PRTG: variants seen among roughly 807,000 people sequenced by gnomAD.
PRTG encodes protogenin, also known as immunoglobulin superfamily, DCC subclass, member 5.
In PRTG, 67 loss-of-function variants were observed where a neutral mutation model predicts 122.5. The ratio of observed to expected loss-of-function variants is 0.55; its 90% confidence interval spans 0.45 to 0.67. PRTG has a LOEUF of 0.67. Ranked by LOEUF, PRTG falls within the 30% of genes least tolerant of loss-of-function variation. The probability of loss-of-function intolerance (pLI) is 0.00; values close to 1 mark genes in which losing one functional copy is unlikely to be tolerated. For synonymous variants in PRTG, 554 were observed against 501.1 expected (o/e 1.11, Z -1.41); for missense variants, 1,435 against 1,415.4 (o/e 1.01, Z -0.22).
chr15:55,717,784 A>G (rs1447606003), intron 2 of PRTG, among the ~76,000 whole-genome samples: 1 of 152,230 alleles, frequency 6.6e-6, no homozygotes, highest in Non-Finnish European at 1.5e-5. Context: ...GTTAACTTTA[A>G]ATTTTTCTTT....
chr15:55,638,435 T>C, intron 14 of PRTG, 114 bp downstream of exon 14: 1 of 663,472 alleles, frequency 1.5e-6, no homozygotes, highest in Admixed American at 3.7e-5. Flanking sequence ...AATACATATA[T>C]CAAGTGGTAG....
intron 15 of PRTG, among the ~76,000 whole-genome samples, chr15:55,634,673 C>T (rs1262457819): frequency 6.6e-6 from 1 of 151,712 alleles, no homozygotes; most frequent in Non-Finnish European, 1.5e-5. Context: ...AAACACCCGT[C>T]TCTACTAAAA....
At chr15:55,644,451 ATTC>A (rs1440247922) in intron 11 of PRTG, among the ~76,000 whole-genome samples, 1 of 152,206 alleles carries the variant, frequency 6.6e-6, no homozygotes, top group Non-Finnish European at 1.5e-5. Flanking sequence ...CCTAAAATTG[ATTC>A]TTCAAGTTTT....
At chr15:55,623,917 T>A (rs2141711804) in intron 18 of PRTG, among the ~76,000 whole-genome samples, 1 of 152,260 alleles carries the variant, frequency 6.6e-6, no homozygotes, top group South Asian at 2.1e-4. Context: ...TGGGATGTTC[T>A]GATAAGCAAT....
Position 55,708,522 on chromosome 15 carries a change from C to A in PRTG, c.398-24591G>T, listed in dbSNP as rs1368528056. ...GCTCAGGAGGCTGAGGCAGGAGAAT[C>A]GCTTGAACCCGGGAGGCAGAGTCTG... On this transcript the variant is annotated intron_variant, in intron 2 of 19. Transcript: ENST00000389286. 2.0e-5 allele frequency among the ~76,000 whole-genome samples: 3 copies of A among 151,934 alleles called. No homozygotes were observed. The East Asian group carries it at 5.8e-4, about 29-fold the overall frequency.
chr15:55,627,292 G>T (rs2059200215), intron 16 of PRTG, among the ~76,000 whole-genome samples, 164 bp from the exon 17 acceptor site: 1 of 150,722 alleles, frequency 6.6e-6, no homozygotes, highest in African/African-American at 2.4e-5. Flanking sequence ...TTTAATCAGT[G>T]ATTTCAGAGA....
chr15:55,709,737 A>G (rs1225372431), intron 2 of PRTG, among the ~76,000 whole-genome samples: 1 of 152,202 alleles, frequency 6.6e-6, no homozygotes, highest in African/African-American at 2.4e-5. Context: ...ATCTCAAAAC[A>G]TTTATGCTGA....
At chr15:55,625,850 C>T (rs1413274337) in intron 17 of PRTG, among the ~76,000 whole-genome samples, 2 of 151,796 alleles carry the variant, frequency 1.3e-5, no homozygotes, top group Non-Finnish European at 2.9e-5. Flanking sequence ...CTTGAACTCC[C>T]GACCTCAGGT....
intron 11 of PRTG, among the ~76,000 whole-genome samples, chr15:55,645,326 C>T (rs906013935): frequency 2.1e-5 from 3 of 144,986 alleles, no homozygotes; most frequent in East Asian, 2.0e-4. Flanking sequence ...CCCAGCTACA[C>T]GGGAGGCTGA....
Position 55,624,507 on chromosome 15 carries a change from C to T in PRTG, c.2928G>A (p.Arg976=). 1 of 1,607,628 alleles carries T rather than the reference C, an allele frequency of 6.2e-7. No individual in the cohort carries two copies. The highest frequency in any genetic ancestry group is 8.5e-7 in the Non-Finnish European group (1 of 1,177,090). The change falls in exon 18 of 20, where the codon AGG becomes AGA. Residue 976 remains arginine (R), a splice_region_variant and synonymous_variant. Transcript: ENST00000389286. ...GTGCCGTCTTGGAAGCAGATGATTT[C>T]CTAAAACATTGGCAAGAAGAGGAAG... The part of the protein sequence containing the change: ...VLILIYRSKA[R]KSSASKTAQN...
At chr15:55,667,471 T>C (rs966955586) in intron 11 of PRTG, among the ~76,000 whole-genome samples, 6 of 152,142 alleles carry the variant, frequency 3.9e-5, no homozygotes, top group Non-Finnish European at 7.4e-5. Flanking sequence ...CAATCATATT[T>C]GGCATTTTAA....
At chr15:55,696,468 C>G (rs951981453) in intron 2 of PRTG, among the ~76,000 whole-genome samples, 1 of 152,182 alleles carries the variant, frequency 6.6e-6, no homozygotes, top group Admixed American at 6.5e-5. Context: ...CACTCTGAGG[C>G]TTCCTACTTG....
intron 2 of PRTG, among the ~76,000 whole-genome samples, chr15:55,723,381 C>A (rs2030900694): frequency 3.0e-5 from 4 of 134,794 alleles, no homozygotes; most frequent in Non-Finnish European, 3.1e-5. Context: ...TAAGGGAAGA[C>A]TATAATGATC....
At chr15:55,702,850 T>C (rs2029944093) in intron 2 of PRTG, 1 of 951,212 alleles carries the variant, frequency 1.1e-6, no homozygotes, top group Non-Finnish European at 1.3e-6. Context: ...ACCCTCTGCC[T>C]CTTGATGCCA....
At chr15:55,703,192 A>G (rs2029957373) in intron 2 of PRTG, among the ~76,000 whole-genome samples, 1 of 152,220 alleles carries the variant, frequency 6.6e-6, no homozygotes, top group African/African-American at 2.4e-5. Context: ...AAATATTTTT[A>G]CCACTATTGA....
At chr15:55,731,131 ATTTAT>A (rs1454021991) in intron 2 of PRTG, among the ~76,000 whole-genome samples, 16 of 151,306 alleles carry the variant, frequency 1.1e-4, no homozygotes, top group African/African-American at 3.9e-4. Context: ...TCTCTCTTTT[ATTTAT>A]TTATTTGTCC....
chr15:55,690,846 A>T (rs1358989660), intron 2 of PRTG, among the ~76,000 whole-genome samples: 1 of 152,216 alleles, frequency 6.6e-6, no homozygotes, highest in Non-Finnish European at 1.5e-5. Context: ...TCTCAAAACT[A>T]TTACTCACCC....
chr15:55,735,165 T>C (rs2031369602), intron 2 of PRTG, among the ~76,000 whole-genome samples: 1 of 152,194 alleles, frequency 6.6e-6, no homozygotes. Context: ...ATTTTTATGA[T>C]TTCTTTTAAA....
rs1489499077 is a variant in PRTG at position 55,740,362 on chromosome 15, C to G, written c.397+20G>C. On this transcript the variant is annotated intron_variant, in intron 2 of 19. Coordinates refer to ENST00000389286, the MANE Select transcript of PRTG (RefSeq NM_173814.6). ...ATGTAGCAATGAAAAATGTCAACAA[C>G]TAAAAACTTAAACACTTACTTGATA... 3 of 1,556,910 alleles carry G rather than the reference C, an allele frequency of 1.9e-6. No homozygotes were observed. In the Admixed American group the frequency reaches 6.2e-5, roughly 32 times the overall value.
Sources: allele counts gnomAD v4.1 joint callset (sites outside exome capture counted in the v4.1 genomes callset), GRCh38; gene constraint gnomAD v4.1.1; transcripts MANE v1.5; gene names NCBI Gene and HGNC (gene_info 2026-07-23, HGNC 2026-07-21).